GLIS3: variants seen among roughly 807,000 people sequenced by gnomAD.
GLIS3 encodes the protein zinc finger protein GLIS3.
In GLIS3, 53 loss-of-function variants were observed where a neutral mutation model predicts 78.6. The observed-to-expected ratio is 0.67, with a 90% confidence interval of 0.54 to 0.85. GLIS3 has a LOEUF of 0.85. Ranked by LOEUF, GLIS3 falls within the 40% of genes least tolerant of loss-of-function variation. The probability of loss-of-function intolerance (pLI) is 0.00; values close to 1 mark genes in which losing one functional copy is unlikely to be tolerated. For synonymous variants in GLIS3, 684 were observed against 509.9 expected, an observed-to-expected ratio of 1.34 and a Z score of -4.60; for missense variants, 1,703 against 1,231.1, an observed-to-expected ratio of 1.38 and a Z score of -5.74.
chr9:4,285,069 T>G (rs774465249), intron 2 of GLIS3, among the ~76,000 whole-genome samples: 33 of 152,214 alleles, frequency 2.2e-4, no homozygotes, highest in Non-Finnish European at 4.4e-4. Flanking sequence ...TTATTCACCT[T>G]AATTAACTGA....
chr9:4,303,969 T>C (rs7038546), upstream of GLIS3, among the ~76,000 whole-genome samples: 118,238 of 152,194 alleles, frequency 0.78, 48,928 homozygotes, highest in South Asian at 0.94. Flanking sequence ...ATCTTATCTA[T>C]AACTACCTTC....
chr9:4,078,496 T>C (rs1828269518), intron 4 of GLIS3, among the ~76,000 whole-genome samples: 2 of 152,222 alleles, frequency 1.3e-5, no homozygotes, highest in African/African-American at 4.8e-5. Flanking sequence ...TGGAGATCTA[T>C]GTGGCCCAGT....
intron 4 of GLIS3, among the ~76,000 whole-genome samples, chr9:4,307,010 A>G (rs763666475): frequency 1.3e-5 from 2 of 152,214 alleles, no homozygotes; most frequent in African/African-American, 2.4e-5. Flanking sequence ...GTGGACATTA[A>G]GGAGAAAGTG....
chr9:4,237,623 C>T (rs748575603), intron 2 of GLIS3, among the ~76,000 whole-genome samples: 10 of 152,142 alleles, frequency 6.6e-5, no homozygotes, highest in Non-Finnish European at 1.3e-4. Context: ...ACCATTTTTA[C>T]CCCAATTCCA....
chr9:4,270,839 T>A (rs1563870869), intron 2 of GLIS3, among the ~76,000 whole-genome samples: 1 of 152,144 alleles, frequency 6.6e-6, no homozygotes, highest in Non-Finnish European at 1.5e-5. Context: ...CCTCCTTTAC[T>A]GCATGAGCCA....
chr9:3,901,643 G>C (rs1823313296), intron 6 of GLIS3, among the ~76,000 whole-genome samples: 1 of 152,282 alleles, frequency 6.6e-6, no homozygotes, highest in Non-Finnish European at 1.5e-5. Flanking sequence ...GCATGTCCAG[G>C]TCTTAGCCCA....
chr9:4,025,249 C>CA (rs201640939), intron 4 of GLIS3, among the ~76,000 whole-genome samples: 14,449 of 140,792 alleles, frequency 0.1, 834 homozygotes, highest in Non-Finnish European at 0.14. Flanking sequence ...GACTCCGTCT[C>CA]AAAAAAAAAA....
In GLIS3 at chr9:4,326,998, A is replaced by G. The variant is rs1587387584; in HGVS notation, n.265-16470T>C. On this transcript the variant is annotated intron_variant and non_coding_transcript_variant, in intron 2 of 4. Coordinates refer to the GLIS3 transcript ENST00000471664. The stretch of plus-strand genomic sequence containing the variant: ...TGCTGACACTAGGGGTACAGCATAG[A>G]GCAAGATACACAGCTTAGAGTCAGG... Among the ~76,000 whole-genome samples the G allele has an allele frequency of 2.0e-5, 3 of 152,234 alleles. No homozygotes were observed. The South Asian group carries it at 6.2e-4, about 32-fold the overall frequency.
upstream of GLIS3, among the ~76,000 whole-genome samples, chr9:4,302,822 G>A (rs1016227667): frequency 1.6e-4 from 25 of 152,222 alleles, no homozygotes; most frequent in African/African-American, 5.5e-4. Flanking sequence ...AATGAAGTTT[G>A]TAGGGAGTGT....
chr9:4,263,221 C>T (rs1426077047), intron 2 of GLIS3, among the ~76,000 whole-genome samples: 2 of 152,194 alleles, frequency 1.3e-5, no homozygotes, highest in Admixed American at 1.3e-4. Flanking sequence ...CAGTGGCTCA[C>T]AGACATATTC....
At chr9:4,049,966 G>C (rs2130461321) in intron 4 of GLIS3, among the ~76,000 whole-genome samples, 1 of 152,240 alleles carries the variant, frequency 6.6e-6, no homozygotes, top group East Asian at 1.9e-4. Flanking sequence ...TGGAGAGGAT[G>C]TGGAGAAATA....
rs5896032 is a variant in GLIS3, at chr9:3,894,102, G to GC, written c.2128+4588dup. 1.6e-3 allele frequency among the ~76,000 whole-genome samples: 251 copies of GC among 152,238 alleles called. 5 individuals carry two copies. The highest frequency in any genetic ancestry group is 0.014 in the Admixed American group (214 of 15,294). Reference sequence around the variant, plus strand: ...ATGTTTACCTTTAAATCCCTTTTGTGCCCCCAAGTTTCCACCTCCTTCTGA... The same window carrying GC: ...ATGTTTACCTTTAAATCCCTTTTGTGCCCCCCAAGTTTCCACCTCCTTCTGA... On this transcript the variant is annotated intron_variant, in intron 7 of 10. Transcript: ENST00000381971.
chr9:4,268,275 T>G (rs1037148245), intron 2 of GLIS3, among the ~76,000 whole-genome samples: 1 of 152,176 alleles, frequency 6.6e-6, no homozygotes, highest in African/African-American at 2.4e-5. Context: ...CACTGGGTTT[T>G]TGACAGCTTA....
the GLIS3 span, among the ~76,000 whole-genome samples, chr9:4,379,654 G>A: frequency 6.6e-6 from 1 of 152,156 alleles, no homozygotes; most frequent in South Asian, 2.1e-4. Context: ...AAATTATCAT[G>A]ACTATTTGCT....
At chr9:4,126,317 C>A (rs1832574195) in intron 2 of GLIS3, among the ~76,000 whole-genome samples, 1 of 152,218 alleles carries the variant, frequency 6.6e-6, no homozygotes, top group Non-Finnish European at 1.5e-5. Context: ...AATCACCCAG[C>A]AAGGAAAGTT....
At chr9:4,010,791 C>T (rs1020659370) in intron 4 of GLIS3, among the ~76,000 whole-genome samples, 5 of 152,112 alleles carry the variant, frequency 3.3e-5, no homozygotes, top group Admixed American at 1.3e-4. Flanking sequence ...TCTCTTTGTG[C>T]ATCAAATACC....
intron 2 of GLIS3, among the ~76,000 whole-genome samples, chr9:4,222,875 C>G (rs988523092): frequency 2.0e-5 from 3 of 152,156 alleles, no homozygotes; most frequent in African/African-American, 7.2e-5. Flanking sequence ...GGCTGAAATG[C>G]TCATTCACGA....
chr9:3,883,043 C>T (rs1821839586), intron 7 of GLIS3, among the ~76,000 whole-genome samples: 2 of 152,140 alleles, frequency 1.3e-5, no homozygotes, highest in South Asian at 2.1e-4. Context: ...ACAACAGACA[C>T]AAGCATGCTT....
intron 9 of GLIS3, among the ~76,000 whole-genome samples, chr9:3,839,442 C>T (rs543902325): frequency 6.6e-6 from 1 of 152,116 alleles, no homozygotes; most frequent in Non-Finnish European, 1.5e-5. Context: ...TTATACCAAC[C>T]ACTCAGAATT....
Sources: gnomAD v4.1 joint callset for allele counts (sites outside exome capture counted in the v4.1 genomes callset) on GRCh38, gnomAD v4.1.1 for gene constraint, MANE v1.5 for transcripts, NCBI Gene and HGNC (gene_info 2026-07-23, HGNC 2026-07-21) for gene names.